ZBTB46: variants seen among roughly 807,000 people sequenced by gnomAD.
ZBTB46 encodes the protein zinc finger and BTB domain-containing protein 46.
A neutral mutation model predicts 44.1 loss-of-function variants in ZBTB46; 8 were observed. The observed-to-expected ratio is 0.18, with a 90% CI of 0.11 to 0.33. The LOEUF (loss-of-function observed/expected upper bound fraction) is 0.33. Among genes scored for constraint, ZBTB46 ranks in the 10% least tolerant of loss-of-function variants. The probability of loss-of-function intolerance (pLI) is 1.00; values close to 1 mark genes in which losing one functional copy is unlikely to be tolerated. For missense variants in ZBTB46, 651 were observed against 847.7 expected, an observed-to-expected ratio of 0.77 and a Z score of 2.88; for synonymous variants, 409 against 382.3, an observed-to-expected ratio of 1.07 and a Z score of -0.81.
intron 1 of ZBTB46, among the ~76,000 whole-genome samples, chr20:63,792,147 C>G (rs1419818849): frequency 6.6e-6 from 1 of 152,158 alleles, no homozygotes; most frequent in Non-Finnish European, 1.5e-5. Context: ...TTAATCATAT[C>G]CACAGTGACC....
chr20:63,760,435 T>A (rs1255292839), intron 3 of ZBTB46, among the ~76,000 whole-genome samples: 1 of 152,198 alleles, frequency 6.6e-6, no homozygotes, highest in Admixed American at 6.5e-5. Flanking sequence ...CCAATATCCG[T>A]TGATCACTTT....
intron 3 of ZBTB46, among the ~76,000 whole-genome samples, chr20:63,761,847 C>T (rs1457535171): frequency 3.3e-5 from 5 of 151,086 alleles, no homozygotes; most frequent in East Asian, 3.9e-4. Context: ...GTTGTGTAAA[C>T]GTATACTATT....
Position 63,803,632 on chromosome 20 carries a change from T to C in ZBTB46, c.-33-12842A>G. 1.9e-6 allele frequency: 1 copy of C among 538,164 alleles called. No individual in the cohort carries two copies. Among genetic ancestry groups the C allele is most frequent in the Non-Finnish European group, 2.4e-6 (1 of 421,746 alleles). The allele number at this position is 538,164 out of a possible 1,614,324, so 33.3% of individuals were successfully genotyped here. On this transcript the variant is annotated intron_variant, in intron 1 of 4. Coordinates refer to ENST00000245663, the MANE Select transcript of ZBTB46 (RefSeq NM_001369741.1). The surrounding 1 kb of genome is among the most constrained non-coding windows in gnomAD (Gnocchi z 4.0). ...CGCCCCTCCCTGCCCACTGGCCCCT[T>C]TCAGTTCCTTCATCTCCAGCCCGGC...
At chr20:63,817,773 G>C (rs1367275284) in intron 1 of ZBTB46, among the ~76,000 whole-genome samples, 1 of 152,010 alleles carries the variant, frequency 6.6e-6, no homozygotes, top group Middle Eastern at 3.4e-3. Context: ...GACACCCGCA[G>C]GGGAGACTGT....
chr20:63,822,346 T>C (rs2092796827), intron 1 of ZBTB46, among the ~76,000 whole-genome samples: 1 of 152,128 alleles, frequency 6.6e-6, no homozygotes, highest in East Asian at 1.9e-4. Flanking sequence ...ACGGGCACTT[T>C]TGTATGTGAC....
intron 1 of ZBTB46, among the ~76,000 whole-genome samples, chr20:63,822,412 A>C (rs1279983640): frequency 6.6e-6 from 1 of 152,134 alleles, no homozygotes; most frequent in African/African-American, 2.4e-5. Flanking sequence ...ACACGTGTAC[A>C]CGCATGCAAA....
chr20:63,748,705 C>T (rs1249185333), intron 4 of ZBTB46, among the ~76,000 whole-genome samples: 1 of 152,220 alleles, frequency 6.6e-6, no homozygotes, highest in Non-Finnish European at 1.5e-5. Flanking sequence ...TGACCCCAGG[C>T]TCCCCTCGGC....
chr20:63,794,189 CA>C (rs574998605), intron 1 of ZBTB46, among the ~76,000 whole-genome samples: 1,511 of 108,598 alleles, frequency 0.014, 18 homozygotes, highest in African/African-American at 0.034. Context: ...GACTCCGTCT[CA>C]AAAAAAAAAA....
At chr20:63,750,848 A>G (rs2145759624) in intron 4 of ZBTB46, among the ~76,000 whole-genome samples, 1 of 152,082 alleles carries the variant, frequency 6.6e-6, no homozygotes, top group Middle Eastern at 3.4e-3. Context: ...AGTTGTAGTG[A>G]GCTGTGTCAC....
chr20:63,765,217 C>T (rs1228377223), intron 3 of ZBTB46, among the ~76,000 whole-genome samples: 1 of 151,870 alleles, frequency 6.6e-6, no homozygotes, highest in Non-Finnish European at 1.5e-5. Flanking sequence ...TGGGATTTTG[C>T]CCCTCAAGTC....
At chr20:63,813,464 T>A (rs934706902) in intron 1 of ZBTB46, among the ~76,000 whole-genome samples, 5 of 150,226 alleles carry the variant, frequency 3.3e-5, no homozygotes, top group East Asian at 4.0e-4. Flanking sequence ...AAAAAATAAA[T>A]AAATAAATAA....
chr20:63,758,714 C>A (rs960562726), intron 3 of ZBTB46, among the ~76,000 whole-genome samples: 1 of 147,962 alleles, frequency 6.8e-6, no homozygotes, highest in African/African-American at 2.5e-5. Flanking sequence ...CCCAATATAT[C>A]AACTTAAGGA....
chr20:63,816,874 G>A (rs1289064608), intron 1 of ZBTB46, among the ~76,000 whole-genome samples: 1 of 152,188 alleles, frequency 6.6e-6, no homozygotes, highest in Non-Finnish European at 1.5e-5. Context: ...GAAGGCTGAG[G>A]CGGGCAGATC....
intron 1 of ZBTB46, among the ~76,000 whole-genome samples, chr20:63,809,435 G>T (rs1260422299): frequency 6.6e-6 from 1 of 152,180 alleles, no homozygotes; most frequent in Admixed American, 6.5e-5. Context: ...GAGCTCACAG[G>T]AGCCCTGAGC....
rs34922936 is a variant in ZBTB46, at chr20:63,759,774, C to CT, written c.1223-6914dup. On this transcript the variant is annotated intron_variant, in intron 3 of 4. Transcript: ENST00000245663. ...ATTTCACAATTAACCAAAAGGTTAA[C>CT]TTTTTTTTTTGTAGATACTTTTTGT... 5.8e-3 allele frequency among the ~76,000 whole-genome samples: 873 copies of CT among 149,874 alleles called. 3 individuals carry two copies. The highest frequency in any genetic ancestry group is 9.6e-3 in the Non-Finnish European group (646 of 67,206).
upstream of ZBTB46, among the ~76,000 whole-genome samples, chr20:63,833,242 C>A (rs934271929): frequency 6.6e-6 from 1 of 152,160 alleles, no homozygotes; most frequent in African/African-American, 2.4e-5. Flanking sequence ...AAACCTTGAT[C>A]TCACCACGAC....
intron 3 of ZBTB46, among the ~76,000 whole-genome samples, chr20:63,772,343 A>C (rs1228458489): frequency 6.6e-6 from 1 of 152,214 alleles, no homozygotes; most frequent in Non-Finnish European, 1.5e-5. Flanking sequence ...AGAATATTAA[A>C]AATGAGGTTA....
chr20:63,803,789 C>T lies in ZBTB46; in HGVS notation c.-33-12999G>A, dbSNP rs2092664502. On this transcript the variant is annotated intron_variant, in intron 1 of 4. Coordinates refer to ENST00000245663, the MANE Select transcript of ZBTB46 (RefSeq NM_001369741.1). The surrounding 1 kb of genome is among the most constrained non-coding windows in gnomAD (Gnocchi z 4.0). ...GTGGCGCAATCTCGGCTCACTGCAG[C>T]CTCAACCTCCCAGGCTCAAGGCATC... Among the ~76,000 whole-genome samples, 1 of 152,156 alleles carries T rather than the reference C, an allele frequency of 6.6e-6. No homozygotes were observed. Among genetic ancestry groups the T allele is most frequent in the African/African-American group, 2.4e-5 (1 of 41,432 alleles).
chr20:63,775,781 C>A lies in ZBTB46; in HGVS notation c.1119G>T (p.Ala373=). The part of the protein sequence containing the change: ...QATAVANLRA[A]LMSKNSLLSL... Reference sequence around the variant, plus strand: ...ACAGCAGGCTGTTCTTACTCATGAGCGCCGCGCGCAGGTTGGCCACCGCGG... The same window carrying A: ...ACAGCAGGCTGTTCTTACTCATGAGAGCCGCGCGCAGGTTGGCCACCGCGG... Residue 373 remains alanine (A), a synonymous_variant, in exon 3 of 5, where the codon GCG becomes GCT. Transcript: ENST00000245663. 1.2e-6 allele frequency: 2 copies of A among 1,613,322 alleles called. No homozygotes were observed. The highest frequency in any genetic ancestry group is 1.7e-6 in the Non-Finnish European group (2 of 1,179,916).
Sources: gnomAD v4.1 joint callset for allele counts (sites outside exome capture counted in the v4.1 genomes callset) on GRCh38, gnomAD v4.1.1 for gene constraint, Gnocchi (gnomAD v3.1) non-coding constraint, MANE v1.5 for transcripts, NCBI Gene and HGNC (gene_info 2026-07-23, HGNC 2026-07-21) for gene names.